The following MIR2052HG variants were observed in gnomAD, a reference collection of about 807,000 sequenced individuals.
MIR2052HG encodes MIR2052 host gene.
chr8:74,631,607 T>C (rs1274285313), intron 2 of MIR2052HG, among the ~76,000 whole-genome samples: 3 of 152,204 alleles, frequency 2.0e-5, no homozygotes, highest in Non-Finnish European at 4.4e-5. Context: ...TGTGAATTGG[T>C]AGAAAGATTT....
intron 4 of MIR2052HG, among the ~76,000 whole-genome samples, chr8:74,725,371 C>A (rs1424897443): frequency 2.0e-5 from 3 of 152,188 alleles, no homozygotes; most frequent in African/African-American, 7.2e-5. Context: ...CTGTAACCTG[C>A]AACCTTGTAT....
intron 2 of MIR2052HG, among the ~76,000 whole-genome samples, chr8:74,690,468 AC>A (rs1809227797): frequency 1.3e-5 from 2 of 151,518 alleles, no homozygotes; most frequent in African/African-American, 4.9e-5. Flanking sequence ...CAGAGGTGAA[AC>A]CCCGTCTCTA....
chr8:74,620,293 T>C (rs933069088), intron 2 of MIR2052HG, among the ~76,000 whole-genome samples: 14 of 152,298 alleles, frequency 9.2e-5, no homozygotes, highest in South Asian at 6.2e-4. Context: ...TGCAAGCTGT[T>C]GGTTGATCTA....
intron 4 of MIR2052HG, among the ~76,000 whole-genome samples, chr8:74,738,004 A>G (rs1189897774): frequency 6.6e-6 from 1 of 151,968 alleles, no homozygotes; most frequent in Non-Finnish European, 1.5e-5. Context: ...GTATGTATGT[A>G]TGTGTTATCT....
chr8:74,627,460 T>A (rs2128733567), intron 2 of MIR2052HG, among the ~76,000 whole-genome samples: 1 of 152,300 alleles, frequency 6.6e-6, no homozygotes, highest in African/African-American at 2.4e-5. Context: ...TGAGAAGAAA[T>A]AATGCCAGTA....
intron 4 of MIR2052HG, among the ~76,000 whole-genome samples, chr8:74,739,500 C>A (rs1300810230): frequency 6.6e-6 from 1 of 152,088 alleles, no homozygotes; most frequent in African/African-American, 2.4e-5. Context: ...TGCTTTGGAA[C>A]AAATACTTTA....
intron 2 of MIR2052HG, among the ~76,000 whole-genome samples, chr8:74,663,506 T>C (rs1248889861): frequency 6.6e-6 from 1 of 152,238 alleles, no homozygotes; most frequent in Non-Finnish European, 1.5e-5. Context: ...CAGCTTGAGA[T>C]AGTTAGCTTT....
chr8:74,748,565 T>G (rs1318574935), intron 4 of MIR2052HG, among the ~76,000 whole-genome samples: 2 of 152,220 alleles, frequency 1.3e-5, no homozygotes, highest in African/African-American at 2.4e-5. Flanking sequence ...TATGGCTTTT[T>G]GGATTCTAAG....
chr8:74,698,974 A>G (rs1459274937), intron 2 of MIR2052HG, among the ~76,000 whole-genome samples: 1 of 152,166 alleles, frequency 6.6e-6, no homozygotes, highest in Non-Finnish European at 1.5e-5. Context: ...AATTATAAGA[A>G]GATACACAAA....
chr8:74,673,925 T>A (rs1809022176), intron 2 of MIR2052HG, among the ~76,000 whole-genome samples: 1 of 125,622 alleles, frequency 8.0e-6, no homozygotes, highest in Non-Finnish European at 1.5e-5. Flanking sequence ...ACACAAAATA[T>A]CTATCTATAT....
At chr8:74,624,881 T>G (rs925779362) in intron 2 of MIR2052HG, among the ~76,000 whole-genome samples, 2 of 152,184 alleles carry the variant, frequency 1.3e-5, no homozygotes, top group Non-Finnish European at 2.9e-5. Flanking sequence ...GAAATATGAT[T>G]CTCTTTTTTG....
chr8:74,611,586 G>T (rs1039739968), intron 1 of MIR2052HG, among the ~76,000 whole-genome samples: 2 of 152,108 alleles, frequency 1.3e-5, no homozygotes, highest in African/African-American at 4.8e-5. Context: ...GCTTCAGAAA[G>T]TCTCTCATAA....
chr8:74,717,858 G>A (rs959194507), intron 4 of MIR2052HG, among the ~76,000 whole-genome samples: 2 of 151,542 alleles, frequency 1.3e-5, no homozygotes, highest in African/African-American at 4.8e-5. Context: ...TTTATTTAAG[G>A]TGATTATTCT....
chr8:74,645,565 G>T (rs778577136), intron 2 of MIR2052HG, among the ~76,000 whole-genome samples: 2 of 152,196 alleles, frequency 1.3e-5, no homozygotes, highest in Non-Finnish European at 2.9e-5. Flanking sequence ...GATTACCGGC[G>T]CGAGCCACTG....
At chr8:74,664,612 G>C (rs1808902040) in intron 2 of MIR2052HG, among the ~76,000 whole-genome samples, 1 of 152,080 alleles carries the variant, frequency 6.6e-6, no homozygotes, top group Admixed American at 6.6e-5. Flanking sequence ...CCGCCCCCAG[G>C]GTTCAAGCGA....
intron 4 of MIR2052HG, among the ~76,000 whole-genome samples, chr8:74,737,231 T>TG (rs1229376436): frequency 1.3e-5 from 2 of 152,206 alleles, no homozygotes; most frequent in Non-Finnish European, 2.9e-5. Context: ...CTTCAGCCTC[T>TG]GGTTGGCTGC....
At chr8:74,604,163 T>A in intron 1 of MIR2052HG, 1 of 888,062 alleles carries the variant, frequency 1.1e-6, no homozygotes, top group Non-Finnish European at 1.9e-6. Flanking sequence ...TTTCCGATGA[T>A]ACTGCCAACT....
chr8:74,635,098 G>T (rs529730605), intron 2 of MIR2052HG, among the ~76,000 whole-genome samples: 1 of 152,236 alleles, frequency 6.6e-6, no homozygotes, highest in Non-Finnish European at 1.5e-5. Context: ...GTGAGAAAAA[G>T]GGAGAACAGC....
chr8:74,748,022 A>C (rs541281218), intron 4 of MIR2052HG, among the ~76,000 whole-genome samples: 1 of 152,192 alleles, frequency 6.6e-6, no homozygotes, highest in Non-Finnish European at 1.5e-5. Context: ...TCTCATTGTC[A>C]AAGCCCACTT....
Sources: allele counts gnomAD v4.1 joint callset (sites outside exome capture counted in the v4.1 genomes callset), GRCh38; gene constraint gnomAD v4.1.1; transcripts MANE v1.5; gene names NCBI Gene and HGNC (gene_info 2026-07-23, HGNC 2026-07-21).